The following FGF14 variants were observed in gnomAD, a reference collection of about 807,000 sequenced individuals.
FGF14 encodes the protein fibroblast growth factor 14.
Under a neutral mutation model 25.5 loss-of-function variants are expected in FGF14, and 5 were observed. The ratio of observed to expected loss-of-function variants is 0.20; its 90% CI spans 0.10 to 0.41. FGF14 has a LOEUF of 0.41. Among genes scored for constraint, FGF14 ranks in the 10% least tolerant of loss-of-function variants. The pLI, the probability that FGF14 is intolerant of heterozygous loss-of-function variation, is 1.00. For missense variants in FGF14, 222 were observed against 320.1 expected, an observed-to-expected ratio of 0.69 and a Z score of 2.34; for synonymous variants, 138 against 118.3, an observed-to-expected ratio of 1.17 and a Z score of -1.08.
intron 1 of FGF14, among the ~76,000 whole-genome samples, chr13:102,232,524 C>A (rs961919631): frequency 6.6e-6 from 1 of 152,088 alleles, no homozygotes; most frequent in African/African-American, 2.4e-5. Context: ...AGTCTGAACC[C>A]TTCTCTTTTA....
chr13:102,288,969 A>G (rs945067851), intron 1 of FGF14, among the ~76,000 whole-genome samples: 6 of 151,290 alleles, frequency 4.0e-5, no homozygotes, highest in Admixed American at 3.3e-4. Flanking sequence ...TTTTTTTTCA[A>G]TTGGAGTACC....
intron 1 of FGF14, among the ~76,000 whole-genome samples, chr13:102,092,228 ATACACTTTGTG>A (rs1260079838): frequency 6.6e-6 from 1 of 152,146 alleles, no homozygotes; most frequent in Non-Finnish European, 1.5e-5. Context: ...ATGGGGGAAA[ATACACTTTGTG>A]TTTTTATGTA....
At chr13:101,854,216 C>T (rs941086955) in intron 3 of FGF14, among the ~76,000 whole-genome samples, 1 of 152,048 alleles carries the variant, frequency 6.6e-6, no homozygotes, top group Admixed American at 6.6e-5. Context: ...GAGATTATAA[C>T]AAGTATGTAT....
At chr13:102,230,582 G>A (rs1031184182) in intron 1 of FGF14, among the ~76,000 whole-genome samples, 1 of 152,154 alleles carries the variant, frequency 6.6e-6, no homozygotes, top group Non-Finnish European at 1.5e-5. Context: ...GACTCCAGGG[G>A]ACTTTGCAGG....
chr13:101,851,742 T>A (rs191914765), intron 3 of FGF14, among the ~76,000 whole-genome samples: 9 of 152,164 alleles, frequency 5.9e-5, no homozygotes, highest in Admixed American at 1.3e-4. Context: ...TCATTCTGAG[T>A]ACTTTAATCT....
At chr13:102,086,661 A>T (rs964781350) in intron 1 of FGF14, among the ~76,000 whole-genome samples, 17 of 152,252 alleles carry the variant, frequency 1.1e-4, no homozygotes. Context: ...CAGAATCTGA[A>T]GATCACCTAT....
intron 1 of FGF14, among the ~76,000 whole-genome samples, chr13:102,038,796 T>A (rs1354298358): frequency 6.6e-6 from 1 of 152,054 alleles, no homozygotes; most frequent in Non-Finnish European, 1.5e-5. Flanking sequence ...GAAATATACA[T>A]CCTATTATAT....
At chr13:102,129,701 G>A (rs150572717) in intron 1 of FGF14, among the ~76,000 whole-genome samples, 2 of 152,148 alleles carry the variant, frequency 1.3e-5, no homozygotes, top group South Asian at 2.1e-4. Context: ...ATGGGGGTAG[G>A]GGGGAGGGAT....
chr13:101,772,189 TAACTC>T (rs1230661960), intron 3 of FGF14, among the ~76,000 whole-genome samples: 6 of 152,122 alleles, frequency 3.9e-5, no homozygotes, highest in African/African-American at 1.2e-4. Context: ...AACCCACAAA[TAACTC>T]AAGTTCAAAG....
At chr13:101,819,045 A>C (rs1256205130) in intron 3 of FGF14, among the ~76,000 whole-genome samples, 1 of 152,148 alleles carries the variant, frequency 6.6e-6, no homozygotes, top group East Asian at 1.9e-4. Flanking sequence ...GACAGCAGCC[A>C]CTTATTGAGC....
chr13:101,997,171 G>T (rs2039230727), intron 1 of FGF14, among the ~76,000 whole-genome samples: 2 of 152,196 alleles, frequency 1.3e-5, no homozygotes, highest in Admixed American at 1.3e-4. Flanking sequence ...TTTATTGTCT[G>T]TCTTTCCCCG....
intron 1 of FGF14, among the ~76,000 whole-genome samples, chr13:101,955,715 T>A (rs1289441067): frequency 6.6e-6 from 1 of 152,150 alleles, no homozygotes. Context: ...TATGGTAAAA[T>A]TACTATGGTA....
intron 1 of FGF14, among the ~76,000 whole-genome samples, chr13:102,024,178 G>GT (rs1250514322): frequency 2.6e-5 from 4 of 152,096 alleles, no homozygotes; most frequent in African/African-American, 9.6e-5. Context: ...GAGTTACTCT[G>GT]TTTCACATTT....
intron 1 of FGF14, among the ~76,000 whole-genome samples, chr13:102,202,943 C>T (rs567752673): frequency 6.6e-6 from 1 of 152,238 alleles, no homozygotes; most frequent in South Asian, 2.1e-4. Flanking sequence ...GATACTGGTG[C>T]TCAGGAGGCA....
intron 1 of FGF14, among the ~76,000 whole-genome samples, chr13:101,892,553 C>T (rs1325662622): frequency 1.3e-5 from 2 of 152,162 alleles, no homozygotes; most frequent in Non-Finnish European, 2.9e-5. Flanking sequence ...CCCCAAAATA[C>T]CCCAAACCCA....
chr13:102,044,863 C>T (rs2041909605), intron 1 of FGF14, among the ~76,000 whole-genome samples: 1 of 152,090 alleles, frequency 6.6e-6, no homozygotes, highest in East Asian at 1.9e-4. Flanking sequence ...GAAATATTGA[C>T]ATATGTCTAC....
At chr13:101,915,293 T>TCA (rs1190083363) in intron 1 of FGF14, among the ~76,000 whole-genome samples, 1 of 152,200 alleles carries the variant, frequency 6.6e-6, no homozygotes, top group Admixed American at 6.5e-5. Flanking sequence ...GGACACGCAC[T>TCA]CACTCTTTGA....
chr13:102,160,163 C>G (rs992527163), intron 1 of FGF14, among the ~76,000 whole-genome samples: 3 of 152,106 alleles, frequency 2.0e-5, no homozygotes, highest in Admixed American at 2.0e-4. Context: ...TTGGTTCTTT[C>G]CTTGTTGTTC....
intron 1 of FGF14, among the ~76,000 whole-genome samples, chr13:102,144,679 A>C (rs1400335099): frequency 6.6e-6 from 1 of 152,180 alleles, no homozygotes; most frequent in Non-Finnish European, 1.5e-5. Flanking sequence ...TGAATCATTC[A>C]AATAATTGTG....
Sources: gnomAD v4.1 joint callset for allele counts (sites outside exome capture counted in the v4.1 genomes callset) on GRCh38, gnomAD v4.1.1 for gene constraint, MANE v1.5 for transcripts, NCBI Gene and HGNC (gene_info 2026-07-23, HGNC 2026-07-21) for gene names.